The following PTPMT1 variants were observed in gnomAD, a reference collection of about 807,000 sequenced individuals.
PTPMT1 encodes protein tyrosine phosphatase mitochondrial 1, also known as phosphatidylglycerophosphatase and protein-tyrosine phosphatase 1.
A neutral mutation model predicts 17.8 loss-of-function variants in PTPMT1; 12 were observed. That is an observed-to-expected ratio of 0.67 (90% CI 0.43 to 1.09). PTPMT1 has a LOEUF of 1.09. PTPMT1 is among the 50% of genes least tolerant of loss of function. The pLI is 0.00. For missense variants in PTPMT1, 262 were observed against 266.0 expected, an observed-to-expected ratio of 0.99 and a Z score of 0.10; for synonymous variants, 132 against 116.8, an observed-to-expected ratio of 1.13 and a Z score of -0.84.
In PTPMT1 at chr11:47,571,709, A is replaced by G; in HGVS notation, c.*80A>G. Reference sequence around the variant, plus strand: ...AGCTTAACAGGACCAACAGGGCTTAAGCCCAGACTTGACGTAACAGAAATG... The same window carrying G: ...AGCTTAACAGGACCAACAGGGCTTAGGCCCAGACTTGACGTAACAGAAATG... On this transcript the variant is annotated 3_prime_UTR_variant, in exon 4 of 4. Coordinates refer to ENST00000326674, the MANE Select transcript of PTPMT1 (RefSeq NM_175732.3). 2 of 1,355,480 alleles carry G rather than the reference A, an allele frequency of 1.5e-6. No homozygotes were observed. Among genetic ancestry groups the G allele is most frequent in the African/African-American group, 2.9e-5 (2 of 68,496 alleles). The allele number at this position is 1,355,480 out of a possible 1,614,324, so 84.0% of individuals were successfully genotyped here.
chr11:47,566,086 C>A, intron 2 of PTPMT1, 100 bp downstream of exon 2: 1 of 1,323,000 alleles, frequency 7.6e-7, no homozygotes, highest in Non-Finnish European at 1.0e-6. Context: ...GGTCACCATG[C>A]ACCGGAGCCA....
intron 2 of PTPMT1, among the ~76,000 whole-genome samples, chr11:47,569,468 AAACC>A (rs1240203301): frequency 6.6e-6 from 1 of 152,172 alleles, no homozygotes; most frequent in African/African-American, 2.4e-5. Context: ...GCTTGATGAA[AAACC>A]AACCATGTAG....
In PTPMT1 at chr11:47,573,456, A is replaced by C. The variant is rs909392785; in HGVS notation, c.*1827A>C. 1 of 1,614,180 alleles carries C rather than the reference A, an allele frequency of 6.2e-7. No individual in the cohort carries two copies. The highest frequency in any genetic ancestry group is 2.2e-5 in the East Asian group (1 of 44,880). ...GCGATAATAAATGACTGCGTTGGAG[A>C]GGGTATCTTGCAGTGTCTTGCCACC... On this transcript the variant is annotated 3_prime_UTR_variant, in exon 4 of 4. Coordinates refer to ENST00000326674, the MANE Select transcript of PTPMT1 (RefSeq NM_175732.3). The surrounding 1 kb of genome is among the most constrained non-coding windows in gnomAD (Gnocchi z 4.1).
At position 47,571,604 on chromosome 11, in the gene PTPMT1, G is replaced by A. The variant is rs930408989; in HGVS notation, c.581G>A (p.Gly194Glu). Residue 194 changes from glycine (G) to glutamate (E), a missense_variant, in exon 4 of 4, where the codon GGG (glycine) becomes GAG (glutamate). Gly to Glu is a moderately conservative substitution (Grantham distance 98). Transcript: ENST00000326674. ...KQITARATKD[G>E]TFVISKT ...ATTACTGCACGGGCAACAAAGGATG[G>A]GACTTTTGTCATTTCAAAGACATGA... The A allele has an allele frequency of 6.2e-7, 1 of 1,613,850 alleles. No homozygotes were observed. The highest frequency in any genetic ancestry group is 8.5e-7 in the Non-Finnish European group (1 of 1,180,010).
chr11:47,572,954 G>A lies in PTPMT1; in HGVS notation c.*1325G>A. 1.2e-6 allele frequency: 2 copies of A among 1,613,996 alleles called. No individual in the cohort carries two copies. Among genetic ancestry groups the A allele is most frequent in the South Asian group, 2.2e-5 (2 of 91,068 alleles). On this transcript the variant is annotated 3_prime_UTR_variant, in exon 4 of 4. Transcript: ENST00000326674. The stretch of plus-strand genomic sequence containing the variant: ...CTTAGGCCAACACAAACTGCAAATT[G>A]GTAAGCAGCACCTTAATACCTCTTG...
Position 47,572,450 on chromosome 11 carries a change from T to TACACC in PTPMT1, c.*822_*826dup, listed in dbSNP as rs2097250747. 6.4e-6 allele frequency: 1 copy of TACACC among 155,382 alleles called. No homozygotes were observed. The highest frequency in any genetic ancestry group is 6.4e-5 in the Admixed American group (1 of 15,630). The allele number at this position is 155,382 out of a possible 1,614,324, so 9.6% of individuals were successfully genotyped here. ...CTAGAGTTGACTCTTGCTGGTGAAG[T>TACACC]ACACCTTCAGCTTAGTCCATTCTCC... On this transcript the variant is annotated 3_prime_UTR_variant, in exon 4 of 4. Coordinates refer to ENST00000326674, the MANE Select transcript of PTPMT1 (RefSeq NM_175732.3).
intron 2 of PTPMT1, among the ~76,000 whole-genome samples, chr11:47,568,171 T>C (rs867269709): frequency 6.6e-6 from 1 of 151,748 alleles, no homozygotes; most frequent in African/African-American, 2.4e-5. Context: ...CCGCCCGCCT[T>C]GGCCTCCCAA....
chr11:47,565,661 G>A lies in PTPMT1; in HGVS notation c.39G>A (p.Arg13=). ...CGCTGCTGGAGGCCGGCCTGGCGCG[G>A]GTGCTCTTCTACCCGACGCTGCTCT... ...ATALLEAGLA[R]VLFYPTLLYT... The change falls in exon 1 of 4, where the codon CGG becomes CGA. Residue 13 remains arginine, a synonymous_variant. Coordinates refer to ENST00000326674, the MANE Select transcript of PTPMT1 (RefSeq NM_175732.3). 7.2e-7 allele frequency: 1 copy of A among 1,389,736 alleles called. No individual in the cohort carries two copies. Among genetic ancestry groups the A allele is most frequent in the Admixed American group, 3.5e-5 (1 of 28,918 alleles). 86.1% of individuals were successfully genotyped at this position (1,389,736 alleles called of 1,614,324 possible). A position where few individuals can be genotyped will look rare whatever the true frequency, so the allele number is the denominator to read the frequency against.
rs140783575 is a variant in PTPMT1, at chr11:47,572,817, T to G, written c.*1188T>G. Reference sequence around the variant, plus strand: ...TGGATTCAGGGAAGGGCTGAGGCACTGCCTTTCTAGTATGTGCCAAAAAAA... The same window carrying G: ...TGGATTCAGGGAAGGGCTGAGGCACGGCCTTTCTAGTATGTGCCAAAAAAA... On this transcript the variant is annotated 3_prime_UTR_variant, in exon 4 of 4. Transcript: ENST00000326674. The G allele has an allele frequency of 7.5e-3, 8,509 of 1,133,154 alleles. 47 individuals carry two copies. Among genetic ancestry groups the G allele is most frequent in the Non-Finnish European group, 8.7e-3 (6,989 of 801,706 alleles). The allele number at this position is 1,133,154 out of a possible 1,614,324, so 70.2% of individuals were successfully genotyped here. A position where few individuals can be genotyped will look rare whatever the true frequency, so the allele number is the denominator to read the frequency against.
At position 47,573,405 on chromosome 11, in the gene PTPMT1, G is replaced by C. The variant is rs781751790; in HGVS notation, c.*1776G>C. On this transcript the variant is annotated 3_prime_UTR_variant, in exon 4 of 4. Transcript: ENST00000326674. This position sits in a 1 kb window ranked among gnomAD's most constrained non-coding sequence, Gnocchi z 4.1. ...TGACACAGCCACCTCTAGCTGAGTT[G>C]TCTCTGTCCACACATTATCACCTAC... 1 of 1,614,082 alleles carries C rather than the reference G, an allele frequency of 6.2e-7. No individual in the cohort carries two copies. The highest frequency in any genetic ancestry group is 1.3e-5 in the African/African-American group (1 of 74,914).
In PTPMT1 at chr11:47,573,433, G is replaced by A. The variant is rs1316498254; in HGVS notation, c.*1804G>A. The A allele has an allele frequency of 6.2e-6, 10 of 1,614,158 alleles. No individual in the cohort carries two copies. The South Asian group carries it at 7.7e-5, about 12-fold the overall frequency. ...TCTGTCCACACATTATCACCTACGC[G>A]ATAATAAATGACTGCGTTGGAGAGG... On this transcript the variant is annotated 3_prime_UTR_variant, in exon 4 of 4. Transcript: ENST00000326674. The surrounding 1 kb of genome is among the most constrained non-coding windows in gnomAD (Gnocchi z 4.1).
chr11:47,568,060 C>T (rs2097247287), intron 2 of PTPMT1, among the ~76,000 whole-genome samples: 1 of 152,100 alleles, frequency 6.6e-6, no homozygotes, highest in African/African-American at 2.4e-5. Context: ...GCTGGGACTA[C>T]AGGCGCCTGC....
Position 47,565,810 on chromosome 11 carries a change from G to C in PTPMT1, c.174+14G>C, listed in dbSNP as rs745978786. The C allele has an allele frequency of 6.9e-6, 11 of 1,585,894 alleles. No individual in the cohort carries two copies. Among genetic ancestry groups the C allele is most frequent in the Non-Finnish European group, 8.6e-6 (10 of 1,167,236 alleles). On this transcript the variant is annotated intron_variant, in intron 1 of 3. Transcript: ENST00000326674. The stretch of plus-strand genomic sequence containing the variant: ...TTGACGCGCCAGGTGAGCCGGGCCG[G>C]GGAGCCCGGGCCCCTGCCCCGTCCC...
At chr11:47,571,357 T>TA (rs1475684949) in intron 3 of PTPMT1, 114 bp from the exon 4 acceptor site, 17 of 870,402 alleles carry the variant, frequency 2.0e-5, no homozygotes, top group East Asian at 2.6e-5. Flanking sequence ...GCCTGCAAAA[T>TA]AGAGTTTCCA....
rs2097252223 is a variant in PTPMT1, at chr11:47,573,053, G to A, written c.*1424G>A. ...CCCCCTTTTTATATCGGTCCCGGAA[G>A]ACATAGATGCTCCCGTTACAGCTGG... On this transcript the variant is annotated 3_prime_UTR_variant, in exon 4 of 4. Coordinates refer to ENST00000326674, the MANE Select transcript of PTPMT1 (RefSeq NM_175732.3). This position sits in a 1 kb window ranked among gnomAD's most constrained non-coding sequence, Gnocchi z 4.1. 2 of 1,614,170 alleles carry A rather than the reference G, an allele frequency of 1.2e-6. No homozygotes were observed. The highest frequency in any genetic ancestry group is 8.5e-7 in the Non-Finnish European group (1 of 1,180,032).
At position 47,571,631 on chromosome 11, in the gene PTPMT1, G is replaced by T. The variant is rs752438912; in HGVS notation, c.*2G>T. On this transcript the variant is annotated 3_prime_UTR_variant, in exon 4 of 4. Transcript: ENST00000326674. ...ACTTTTGTCATTTCAAAGACATGAT[G>T]TATGGGGATTAGAAAGAACTCAAGA... is the stretch of plus-strand genomic sequence containing the variant. 1.2e-6 allele frequency: 2 copies of T among 1,613,922 alleles called. No individual in the cohort carries two copies. The highest frequency in any genetic ancestry group is 3.3e-5 in the Admixed American group (2 of 59,978).
At chr11:47,570,186 C>CAA (rs548462674) in intron 3 of PTPMT1, among the ~76,000 whole-genome samples, 12 of 85,518 alleles carry the variant, frequency 1.4e-4, no homozygotes, top group East Asian at 1.0e-3. Context: ...GAAACTGTCT[C>CAA]AAAAAAAAAA....
intron 2 of PTPMT1, 50 bp from the exon 3 acceptor site, chr11:47,569,650 C>A: frequency 6.8e-7 from 1 of 1,480,612 alleles, no homozygotes; most frequent in Non-Finnish European, 9.2e-7. Context: ...TCATCCCACC[C>A]ACATAGTTTT....
At chr11:47,568,750 G>A (rs1277036561) in intron 2 of PTPMT1, among the ~76,000 whole-genome samples, 1 of 151,962 alleles carries the variant, frequency 6.6e-6, no homozygotes, top group African/African-American at 2.4e-5. Context: ...GGAGTACAAT[G>A]GTGCGATCTC....
Sources: gnomAD v4.1 joint callset for allele counts (sites outside exome capture counted in the v4.1 genomes callset) on GRCh38, gnomAD v4.1.1 for gene constraint, Gnocchi (gnomAD v3.1) non-coding constraint, MANE v1.5 for transcripts, NCBI Gene and HGNC (gene_info 2026-07-23, HGNC 2026-07-21) for gene names.